COP1: variants seen among roughly 807,000 people sequenced by gnomAD.
COP1 encodes COP1 E3 ubiquitin ligase.
COP1 carries 24 observed loss-of-function variants against 101.3 expected under a neutral mutation model. The ratio of observed to expected loss-of-function variants is 0.24; its 90% CI spans 0.17 to 0.33. COP1 has a LOEUF of 0.33. Ranked by LOEUF, COP1 falls within the 10% of genes least tolerant of loss-of-function variation. The pLI is 1.00. For missense variants in COP1, 663 were observed against 906.2 expected (o/e 0.73, Z 3.45); for synonymous variants, 347 against 341.9 (o/e 1.01, Z -0.17).
intron 11 of COP1, among the ~76,000 whole-genome samples, chr1:176,064,735 C>A (rs1675604390): frequency 2.0e-5 from 3 of 152,028 alleles, no homozygotes; most frequent in Admixed American, 2.0e-4. Context: ...CTCACTGCAG[C>A]CTCGACCTCC....
intron 9 of COP1, among the ~76,000 whole-genome samples, chr1:176,087,998 C>G (rs902604255): frequency 6.6e-6 from 1 of 152,082 alleles, no homozygotes; most frequent in African/African-American, 2.4e-5. Flanking sequence ...AGCAAACTAT[C>G]GCAGGATAGA....
chr1:176,202,567 A>T (rs1385177919), intron 1 of COP1, among the ~76,000 whole-genome samples: 5 of 151,646 alleles, frequency 3.3e-5, no homozygotes, highest in Admixed American at 2.6e-4. Context: ...AGGTGGTGGC[A>T]CCCGTCTCTA....
At chr1:176,099,963 C>T (rs574947212) in intron 9 of COP1, among the ~76,000 whole-genome samples, 21 of 152,240 alleles carry the variant, frequency 1.4e-4, no homozygotes, top group African/African-American at 4.3e-4. Context: ...GGAAGAGTTC[C>T]GTCCAAGCCA....
At chr1:176,110,472 C>T (rs1358405886) in intron 9 of COP1, among the ~76,000 whole-genome samples, 9 of 152,132 alleles carry the variant, frequency 5.9e-5, no homozygotes, top group Admixed American at 4.6e-4. Flanking sequence ...CAGGGACATT[C>T]GTAGACATAT....
intron 18 of COP1, among the ~76,000 whole-genome samples, chr1:175,959,744 A>G (rs1179989664): frequency 6.6e-6 from 1 of 152,134 alleles, no homozygotes; most frequent in African/African-American, 2.4e-5. Context: ...ACACAGTACA[A>G]AAGAGTAGGG....
chr1:176,043,890 G>T, intron 12 of COP1, 72 bp from the exon 13 acceptor site: 1 of 893,588 alleles, frequency 1.1e-6, no homozygotes, highest in Non-Finnish European at 1.8e-6. Context: ...ATTTTAATGT[G>T]TTCAGAAAGA....
At chr1:176,145,979 T>C (rs1691533317) in intron 6 of COP1, among the ~76,000 whole-genome samples, 1 of 152,180 alleles carries the variant, frequency 6.6e-6, no homozygotes, top group Non-Finnish European at 1.5e-5. Context: ...CTACTGTAAT[T>C]CTTTAAACTA....
chr1:176,178,213 T>C (rs1342900054), intron 2 of COP1, among the ~76,000 whole-genome samples: 1 of 151,776 alleles, frequency 6.6e-6, no homozygotes, highest in African/African-American at 2.4e-5. Context: ...AATCACAACA[T>C]GAAGAAATTT....
intron 18 of COP1, among the ~76,000 whole-genome samples, chr1:175,951,459 TA>T (rs1558154860): frequency 2.3e-5 from 3 of 129,320 alleles, no homozygotes; most frequent in Non-Finnish European, 5.0e-5. Context: ...TATATATATA[TA>T]TAAAAACTTC....
chr1:176,030,705 A>G (rs1668518990), intron 14 of COP1, among the ~76,000 whole-genome samples: 1 of 152,222 alleles, frequency 6.6e-6, no homozygotes, highest in South Asian at 2.1e-4. Flanking sequence ...AGATACACTA[A>G]ATGAATACAG....
At chr1:176,189,899 T>C (rs1370290285) in intron 1 of COP1, among the ~76,000 whole-genome samples, 1 of 151,742 alleles carries the variant, frequency 6.6e-6, no homozygotes, top group African/African-American at 2.4e-5. Context: ...TAGAAAACTT[T>C]AGCAAACTTG....
intron 3 of COP1, among the ~76,000 whole-genome samples, chr1:176,175,233 C>T (rs1407564094): frequency 1.3e-5 from 2 of 152,120 alleles, no homozygotes; most frequent in Non-Finnish European, 2.9e-5. Context: ...TCACTTCTGC[C>T]GCAAAAGCAG....
chr1:175,963,265 T>A (rs1330927067), intron 18 of COP1, among the ~76,000 whole-genome samples: 1 of 152,082 alleles, frequency 6.6e-6, no homozygotes, highest in African/African-American at 2.4e-5. Flanking sequence ...TCTCTCAGTA[T>A]GGCATTCAAG....
intron 6 of COP1, among the ~76,000 whole-genome samples, chr1:176,145,642 G>GCCCCAT (rs1691468265): frequency 6.6e-6 from 1 of 151,986 alleles, no homozygotes; most frequent in African/African-American, 2.4e-5. Context: ...TTCACTTAAT[G>GCCCCAT]GAATACTATA....
intron 1 of COP1, among the ~76,000 whole-genome samples, chr1:176,200,411 T>C (rs1700145316): frequency 6.6e-6 from 1 of 152,168 alleles, no homozygotes; most frequent in Non-Finnish European, 1.5e-5. Flanking sequence ...TAGAGCCAAA[T>C]GCCCATCTGT....
intron 3 of COP1, among the ~76,000 whole-genome samples, chr1:176,166,928 C>T (rs1031735366): frequency 3.3e-5 from 5 of 152,086 alleles, no homozygotes; most frequent in African/African-American, 9.7e-5. Flanking sequence ...CAGAGAGAGA[C>T]GCTGTCTCAA....
intron 18 of COP1, among the ~76,000 whole-genome samples, chr1:175,972,086 C>T (rs1305803576): frequency 1.3e-5 from 2 of 152,062 alleles, no homozygotes; most frequent in African/African-American, 2.4e-5. Context: ...GGATACTTAA[C>T]AAAACAAAAG....
At chr1:176,155,138 T>G (rs1013253059) in intron 5 of COP1, among the ~76,000 whole-genome samples, 1 of 152,040 alleles carries the variant, frequency 6.6e-6, no homozygotes, top group African/African-American at 2.4e-5. Flanking sequence ...TGTTTAATCC[T>G]CTTCAGATTA....
At chr1:175,979,892 C>A (rs1219315675) in intron 18 of COP1, among the ~76,000 whole-genome samples, 4 of 152,032 alleles carry the variant, frequency 2.6e-5, no homozygotes, top group African/African-American at 9.7e-5. Flanking sequence ...AAAGGCCAAG[C>A]TTGAAGTGTT....
Sources: allele counts gnomAD v4.1 joint callset (sites outside exome capture counted in the v4.1 genomes callset), GRCh38; gene constraint gnomAD v4.1.1; transcripts MANE v1.5; gene names NCBI Gene and HGNC (gene_info 2026-07-23, HGNC 2026-07-21).